RORA: variants seen among roughly 807,000 people sequenced by gnomAD.
The protein encoded by RORA is RAR related orphan receptor A.
A neutral mutation model predicts 69.5 loss-of-function variants in RORA; 7 were observed. The observed-to-expected ratio is 0.10, with a 90% CI of 0.06 to 0.19. RORA has a LOEUF of 0.19. Among genes scored for constraint, RORA ranks in the 10% least tolerant of loss-of-function variants. The pLI, the probability that RORA is intolerant of heterozygous loss-of-function variation, is 1.00. For synonymous variants in RORA, 261 were observed against 240.8 expected (o/e 1.08, Z -0.78); for missense variants, 457 against 663.0 (o/e 0.69, Z 3.41).
chr15:60,715,842 A>C (rs540957196), intron 1 of RORA, among the ~76,000 whole-genome samples: 10 of 152,284 alleles, frequency 6.6e-5, no homozygotes, highest in African/African-American at 2.2e-4. Flanking sequence ...TCCATTTTCT[A>C]GTTCAAGTCA....
intron 1 of RORA, among the ~76,000 whole-genome samples, chr15:60,844,005 TG>T (rs377575119): frequency 5.9e-5 from 9 of 152,204 alleles, no homozygotes; most frequent in East Asian, 1.9e-4. Context: ...ACTTTTTTTT[TG>T]GTTATTCTCT....
intron 1 of RORA, among the ~76,000 whole-genome samples, chr15:61,052,250 T>C (rs1267966272): frequency 6.6e-6 from 1 of 151,958 alleles, no homozygotes; most frequent in Non-Finnish European, 1.5e-5. Context: ...TTTTAAGCCT[T>C]ATTAAGGTTG....
chr15:60,795,737 A>G (rs2072486962), intron 1 of RORA, among the ~76,000 whole-genome samples: 1 of 152,152 alleles, frequency 6.6e-6, no homozygotes, highest in African/African-American at 2.4e-5. Flanking sequence ...CTCCCTATAT[A>G]TGGCAACTCC....
intron 1 of RORA, among the ~76,000 whole-genome samples, chr15:60,781,057 A>C (rs958406535): frequency 1.3e-5 from 2 of 152,232 alleles, no homozygotes; most frequent in African/African-American, 4.8e-5. Context: ...TGAAGGTAAC[A>C]AAACCTGTAA....
intron 1 of RORA, among the ~76,000 whole-genome samples, chr15:60,741,905 T>C (rs2071580132): frequency 6.6e-6 from 1 of 152,140 alleles, no homozygotes; most frequent in African/African-American, 2.4e-5. Context: ...GCAAATCTCC[T>C]TGGGAAGCAA....
At chr15:60,882,181 C>A (rs1417935534) in intron 1 of RORA, among the ~76,000 whole-genome samples, 1 of 152,148 alleles carries the variant, frequency 6.6e-6, no homozygotes, top group South Asian at 2.1e-4. Flanking sequence ...GTTGCAACCA[C>A]TAAAATTCAC....
intron 1 of RORA, among the ~76,000 whole-genome samples, chr15:61,159,960 G>A (rs538255452): frequency 6.6e-6 from 1 of 152,290 alleles, no homozygotes; most frequent in African/African-American, 2.4e-5. Context: ...AAAATCAAAC[G>A]ATTGGGTAGT....
intron 2 of RORA, among the ~76,000 whole-genome samples, chr15:60,659,175 C>G (rs2070266417): frequency 6.6e-6 from 1 of 152,180 alleles, no homozygotes; most frequent in Non-Finnish European, 1.5e-5. Context: ...AGTCACTGGT[C>G]TGGATTTAGA....
intron 2 of RORA, among the ~76,000 whole-genome samples, chr15:60,673,103 TGTTATG>T (rs1232534134): frequency 6.6e-6 from 1 of 152,232 alleles, no homozygotes; most frequent in East Asian, 1.9e-4. Context: ...TTGGAACGTA[TGTTATG>T]AAGTGGGAAT....
chr15:60,941,458 C>T (rs1188235941), intron 1 of RORA, among the ~76,000 whole-genome samples: 1 of 152,240 alleles, frequency 6.6e-6, no homozygotes, highest in South Asian at 2.1e-4. Context: ...CATTGTTCTA[C>T]AGAACCGGGT....
chr15:60,704,332 C>T (rs1475233461), intron 1 of RORA, among the ~76,000 whole-genome samples: 1 of 152,218 alleles, frequency 6.6e-6, no homozygotes, highest in Non-Finnish European at 1.5e-5. Context: ...TGCTGCCCTC[C>T]CGGCATCACA....
intron 1 of RORA, among the ~76,000 whole-genome samples, chr15:61,016,643 G>A (rs557818252): frequency 1.2e-4 from 18 of 152,080 alleles, no homozygotes; most frequent in Non-Finnish European, 2.4e-4. Context: ...CATAAGCTAC[G>A]CCCATCATCT....
At chr15:60,589,063 G>A (rs1205818776) in intron 2 of RORA, among the ~76,000 whole-genome samples, 1 of 152,108 alleles carries the variant, frequency 6.6e-6, no homozygotes, top group Non-Finnish European at 1.5e-5. Flanking sequence ...AACCATTTGG[G>A]TTTTCTCTTT....
At chr15:60,896,976 T>C (rs571397194) in intron 1 of RORA, among the ~76,000 whole-genome samples, 2 of 152,216 alleles carry the variant, frequency 1.3e-5, no homozygotes, top group South Asian at 2.1e-4. Flanking sequence ...GGACAGAATA[T>C]CTACCCAAGG....
intron 2 of RORA, among the ~76,000 whole-genome samples, chr15:60,560,694 T>G (rs1193919992): frequency 6.6e-6 from 1 of 152,240 alleles, no homozygotes; most frequent in Admixed American, 6.5e-5. Flanking sequence ...CAGCAAGATG[T>G]GTCTCAATAA....
intron 1 of RORA, among the ~76,000 whole-genome samples, chr15:60,859,284 T>C (rs1298415082): frequency 6.6e-6 from 1 of 152,108 alleles, no homozygotes; most frequent in Non-Finnish European, 1.5e-5. Context: ...CGTCTTCATC[T>C]GTTCACCTTT....
At chr15:60,972,548 G>A (rs891576652) in intron 1 of RORA, among the ~76,000 whole-genome samples, 39 of 152,132 alleles carry the variant, frequency 2.6e-4, no homozygotes, top group African/African-American at 9.4e-4. Flanking sequence ...ATGGCTGAGT[G>A]TGTGTATGCA....
chr15:60,661,586 C>T (rs2070305218), intron 2 of RORA, among the ~76,000 whole-genome samples: 1 of 152,124 alleles, frequency 6.6e-6, no homozygotes, highest in African/African-American at 2.4e-5. Flanking sequence ...GGGTTTCTCC[C>T]ATCTATTAAT....
At chr15:60,664,212 T>C (rs1185509475) in intron 2 of RORA, among the ~76,000 whole-genome samples, 1 of 152,208 alleles carries the variant, frequency 6.6e-6, no homozygotes, top group Non-Finnish European at 1.5e-5. Flanking sequence ...GGAAAGTTCT[T>C]TGATTTAGAG....
Sources: allele counts gnomAD v4.1 joint callset (sites outside exome capture counted in the v4.1 genomes callset), GRCh38; gene constraint gnomAD v4.1.1; transcripts MANE v1.5; gene names NCBI Gene and HGNC (gene_info 2026-07-23, HGNC 2026-07-21).